Variants in ZBTB7A observed in about 807,000 individuals in gnomAD.
ZBTB7A encodes the protein zinc finger and BTB domain-containing protein 7A.
ZBTB7A carries 7 observed loss-of-function variants against 26.7 expected under a neutral mutation model. The ratio of observed to expected loss-of-function variants is 0.26; its 90% CI spans 0.15 to 0.49. The LOEUF (loss-of-function observed/expected upper bound fraction) is 0.49, where lower values mean the gene tolerates loss of function less well. Ranked by LOEUF, ZBTB7A falls within the 20% of genes least tolerant of loss-of-function variation. The probability of loss-of-function intolerance (pLI) is 0.98; values close to 1 mark genes in which losing one functional copy is unlikely to be tolerated. For missense variants in ZBTB7A, 617 were observed against 919.5 expected (o/e 0.67, Z 4.25); for synonymous variants, 452 against 441.0 (o/e 1.02, Z -0.31).
chr19:4,062,503 G>T (rs902619316), intron 1 of ZBTB7A, among the ~76,000 whole-genome samples: 1 of 152,234 alleles, frequency 6.6e-6, no homozygotes, highest in African/African-American at 2.4e-5. Context: ...GGATCAGAGA[G>T]GGGGAGCAGC....
At chr19:4,050,611 TG>T in intron 2 of ZBTB7A, among the ~76,000 whole-genome samples, 1 of 152,298 alleles carries the variant, frequency 6.6e-6, no homozygotes, top group Middle Eastern at 3.4e-3. Flanking sequence ...TGATGTGCGC[TG>T]GAAGTGCAAA....
In ZBTB7A at chr19:4,053,994, G is replaced by A; in HGVS notation, c.1239C>T (p.Asn413=). 1 of 1,607,200 alleles carries A rather than the reference G, an allele frequency of 6.2e-7. No individual in the cohort carries two copies. Among genetic ancestry groups the A allele is most frequent in the Non-Finnish European group, 8.5e-7 (1 of 1,177,846 alleles). The part of the protein sequence containing the change: ...THTGEKPYEC[N]ICKVRFTRQD... ...ACCTGGTGAAGCGGACCTTGCAGAT[G>A]TTGCACTCGTAGGGCTTCTCGCCCG... Residue 413 remains asparagine (N), a synonymous_variant, in exon 2 of 3, where the codon AAC becomes AAT. Coordinates refer to ENST00000322357, the MANE Select transcript of ZBTB7A (RefSeq NM_015898.4).
chr19:4,054,244 G>T lies in ZBTB7A; in HGVS notation c.989C>A (p.Ala330Glu). 6.3e-7 allele frequency: 1 copy of T among 1,579,284 alleles called. No homozygotes were observed. The highest frequency in any genetic ancestry group is 8.5e-7 in the Non-Finnish European group (1 of 1,169,796). Residue 330 changes from alanine to glutamate, a missense_variant, in exon 2 of 3, where the codon GCG (alanine) becomes GAG (glutamate). Coordinates refer to ENST00000322357, the MANE Select transcript of ZBTB7A (RefSeq NM_015898.4). ...GTCGCTGTCCCCCGCCGCGGCCCCC[G>T]CCCGGCCCACCGATGACATCATCTG... The part of the protein sequence containing the change: ...LQQMMSSVGR[A>E]GAAAGDSDEE...
intron 1 of ZBTB7A, among the ~76,000 whole-genome samples, chr19:4,055,684 G>C (rs531924678): frequency 1.3e-5 from 2 of 152,156 alleles, no homozygotes; most frequent in African/African-American, 4.8e-5. Flanking sequence ...TTAGCCGGGC[G>C]TGTTGGCGGG....
At position 4,054,576 on chromosome 19, in the gene ZBTB7A, G is replaced by T. The variant is rs750024654; in HGVS notation, c.657C>A (p.Phe219Leu). The change falls in exon 2 of 3, where the codon TTC becomes TTA. Residue 219 changes from phenylalanine (F) to leucine (L), a missense_variant. Coordinates refer to ENST00000322357, the MANE Select transcript of ZBTB7A (RefSeq NM_015898.4). The part of the protein sequence containing the change: ...VAAGDCNGLD[F>L]YGPGPPAERP... ...GCTCGGCCGGGGGGCCCGGCCCATA[G>T]AAGTCTAAGCCGTTGCAGTCGCCCG... 1.2e-5 allele frequency: 18 copies of T among 1,533,848 alleles called. No homozygotes were observed. The highest frequency in any genetic ancestry group is 4.3e-5 in the Admixed American group (2 of 46,078).
chr19:4,061,413 C>G (rs559698578), intron 1 of ZBTB7A, among the ~76,000 whole-genome samples: 8 of 152,242 alleles, frequency 5.3e-5, no homozygotes. Context: ...AGGTTGGTCC[C>G]GACGGGTAAC....
chr19:4,053,815 GTGTC>G (rs963150835), intron 2 of ZBTB7A, among the ~76,000 whole-genome samples, 152 bp downstream of exon 2: 1 of 151,436 alleles, frequency 6.6e-6, no homozygotes, highest in East Asian at 1.9e-4. Context: ...TGACGTGCAT[GTGTC>G]TGTGCGTGTA....
At chr19:4,060,040 A>ACACC (rs1225136237) in intron 1 of ZBTB7A, among the ~76,000 whole-genome samples, 3 of 151,354 alleles carry the variant, frequency 2.0e-5, no homozygotes, top group African/African-American at 7.3e-5. Flanking sequence ...GGCTCGGCCC[A>ACACC]CACCCACCCG....
chr19:4,047,657 T>G lies in ZBTB7A; in HGVS notation c.*95A>C. The G allele has an allele frequency of 7.4e-7, 1 of 1,358,372 alleles. No homozygotes were observed. 84.1% of individuals were successfully genotyped at this position (1,358,372 alleles called of 1,614,324 possible). The stretch of plus-strand genomic sequence containing the variant: ...TATAGATATCTGTATATAGATAGAT[T>G]TTCTTTTTTTGTGTTTTTGGGGGGG... On this transcript the variant is annotated 3_prime_UTR_variant, in exon 3 of 3. Transcript: ENST00000322357.
Position 4,047,544 on chromosome 19 carries a change from A to T in ZBTB7A, c.*208T>A, listed in dbSNP as rs1426160243. The T allele has an allele frequency of 2.6e-6, 1 of 386,756 alleles. No individual in the cohort carries two copies. The highest frequency in any genetic ancestry group is 2.1e-5 in the African/African-American group (1 of 46,820). 24.0% of individuals were successfully genotyped at this position (386,756 alleles called of 1,614,324 possible). A position where few individuals can be genotyped will look rare whatever the true frequency, so the allele number is the denominator to read the frequency against. On this transcript the variant is annotated 3_prime_UTR_variant, in exon 3 of 3. Coordinates refer to ENST00000322357, the MANE Select transcript of ZBTB7A (RefSeq NM_015898.4). ...GGCCGGGGCCCCTGCGGAGGGAGAA[A>T]AACGTCAGAAAGGAGGGAAATCTGA...
At chr19:4,065,986 C>A (rs1599266514) in intron 1 of ZBTB7A, among the ~76,000 whole-genome samples, 1 of 148,082 alleles carries the variant, frequency 6.8e-6, no homozygotes, top group African/African-American at 2.5e-5. Context: ...CCGCTCACCG[C>A]CCCTCCTCCG....
intron 1 of ZBTB7A, among the ~76,000 whole-genome samples, chr19:4,065,949 G>A (rs994012939): frequency 1.4e-5 from 2 of 143,486 alleles, no homozygotes; most frequent in African/African-American, 2.5e-5. Context: ...CGCGCGATCG[G>A]CCCGCGCCCA....
At chr19:4,065,043 G>C (rs530351984) in intron 1 of ZBTB7A, among the ~76,000 whole-genome samples, 44 of 151,860 alleles carry the variant, frequency 2.9e-4, no homozygotes, top group South Asian at 1.0e-3. Context: ...TCCCAGGCCG[G>C]GGGGGCTGGG....
At chr19:4,049,136 C>A (rs2040464052) in intron 2 of ZBTB7A, among the ~76,000 whole-genome samples, 2 of 110,406 alleles carry the variant, frequency 1.8e-5, no homozygotes, top group African/African-American at 6.4e-5. Context: ...TATTAAATAG[C>A]TATTAAACTA....
chr19:4,064,436 A>T (rs1472078998), intron 1 of ZBTB7A, among the ~76,000 whole-genome samples: 1 of 152,084 alleles, frequency 6.6e-6, no homozygotes, highest in African/African-American at 2.4e-5. Context: ...GCCCTCGCGG[A>T]CAAACGCCCC....
At chr19:4,063,950 G>A (rs1326228576) in intron 1 of ZBTB7A, among the ~76,000 whole-genome samples, 1 of 152,206 alleles carries the variant, frequency 6.6e-6, no homozygotes, top group Non-Finnish European at 1.5e-5. Context: ...ACGGGGATCT[G>A]CCACCAGGTG....
chr19:4,050,513 C>T (rs1464413848), intron 2 of ZBTB7A, among the ~76,000 whole-genome samples: 1 of 152,210 alleles, frequency 6.6e-6, no homozygotes, highest in African/African-American at 2.4e-5. Flanking sequence ...TAGCCTGGAG[C>T]CTCTAGCCTA....
chr19:4,048,165 C>T lies in ZBTB7A; in HGVS notation c.1342G>A (p.Ala448Thr). Residue 448 changes from alanine (A) to threonine (T), a missense_variant, in exon 3 of 3, where the codon GCC becomes ACC. By Grantham distance (58) the Ala-to-Thr change is moderately conservative (BLOSUM62 0). Transcript: ENST00000322357. The surrounding 1 kb of genome is among the most constrained non-coding windows in gnomAD (Gnocchi z 6.7). The part of the protein sequence containing the change: ...YLCQQCGAAF[A>T]HNYDLKNHMR... ...TGGTTCTTCAGGTCGTAGTTGTGGG[C>T]AAAGGCGGCGCCGCACTGCTGGCAC... The T allele has an allele frequency of 6.2e-7, 1 of 1,608,870 alleles. No homozygotes were observed. Among genetic ancestry groups the T allele is most frequent in the Non-Finnish European group, 8.5e-7 (1 of 1,178,998 alleles).
chr19:4,045,767 C>T lies in ZBTB7A; in HGVS notation c.*1985G>A, dbSNP rs1214126227. ...TCCTGGCATCTGGCGACATAGTCTC[C>T]CCAACCCCGGCCCCTGTCCGTGGCC... On this transcript the variant is annotated 3_prime_UTR_variant, in exon 3 of 3. Coordinates refer to ENST00000322357, the MANE Select transcript of ZBTB7A (RefSeq NM_015898.4). This position sits in a 1 kb window ranked among gnomAD's most constrained non-coding sequence, Gnocchi z 4.1. 7.5e-6 allele frequency: 3 copies of T among 397,578 alleles called. No homozygotes were observed. The highest frequency in any genetic ancestry group is 8.9e-6 in the Non-Finnish European group (2 of 225,860). The allele number at this position is 397,578 out of a possible 1,614,324, so 24.6% of individuals were successfully genotyped here.
Sources: gnomAD v4.1 joint callset for allele counts (sites outside exome capture counted in the v4.1 genomes callset) on GRCh38, gnomAD v4.1.1 for gene constraint, Gnocchi (gnomAD v3.1) non-coding constraint, MANE v1.5 for transcripts, NCBI Gene and HGNC (gene_info 2026-07-23, HGNC 2026-07-21) for gene names.